PABIR3: variants seen among roughly 807,000 people sequenced by gnomAD.
PABIR3 encodes the protein PABIR family member 1.
PABIR3 carries 20 observed loss-of-function variants against 23.1 expected under a neutral mutation model. The observed-to-expected ratio is 0.86, with a 90% confidence interval of 0.61 to 1.26. PABIR3 has a LOEUF of 1.26. Ranked by LOEUF, PABIR3 falls within the 50% of genes most tolerant of loss-of-function variation. The probability of loss-of-function intolerance (pLI) is 0.00; values close to 1 mark genes in which losing one functional copy is unlikely to be tolerated. For synonymous variants in PABIR3, 69 were observed against 68.5 expected, an observed-to-expected ratio of 1.01 and a Z score of -0.04; for missense variants, 189 against 195.4, an observed-to-expected ratio of 0.97 and a Z score of 0.20.
chrX:134,839,009 A>T (rs1410727293), intron 4 of PABIR3: 1 of 114,261 alleles, frequency 8.8e-6, no homozygotes, highest in African/African-American at 3.3e-5. Context: ...AATGGTGCCC[A>T]GGCTGGAGTG....
chrX:134,798,040 C>T (rs1412741023), intron 1 of PABIR3, among the ~76,000 whole-genome samples: 1 of 111,239 alleles, frequency 9.0e-6, no homozygotes, highest in East Asian at 2.8e-4. Context: ...AGGCTGGTCT[C>T]GAACTCCTGA....
intron 2 of PABIR3, 103 bp downstream of exon 2, chrX:134,807,811 C>T: frequency 1.2e-6 from 1 of 866,275 alleles, no homozygotes; most frequent in Non-Finnish European, 1.6e-6. Flanking sequence ...TGAGGTTCTG[C>T]AGGTAACTCC....
chrX:134,830,182 G>A (rs1455086509), intron 4 of PABIR3, among the ~76,000 whole-genome samples: 2 of 110,547 alleles, frequency 1.8e-5, no homozygotes, highest in African/African-American at 6.6e-5. Flanking sequence ...AGTGCACAAA[G>A]CCCATAATAC....
intron 4 of PABIR3, among the ~76,000 whole-genome samples, chrX:134,833,917 T>C (rs1226865087): frequency 8.9e-6 from 1 of 112,403 alleles, no homozygotes; most frequent in Non-Finnish European, 1.9e-5. Flanking sequence ...CTGTCTATCA[T>C]TGATGGGCAT....
chrX:134,797,150 GA>G (rs1320786820), intron 1 of PABIR3: 1 of 114,033 alleles, frequency 8.8e-6, no homozygotes, highest in Non-Finnish European at 1.9e-5. Context: ...CCACGCTTCA[GA>G]AGCGGGAACC....
intron 2 of PABIR3, among the ~76,000 whole-genome samples, chrX:134,813,065 T>G (rs2080763775): frequency 8.9e-6 from 1 of 112,160 alleles, no homozygotes; most frequent in South Asian, 3.7e-4. Flanking sequence ...AGGGTCATTT[T>G]ACAAATGAAA....
chrX:134,828,045 C>CTATA (rs1487383716), intron 3 of PABIR3, among the ~76,000 whole-genome samples: 1,035 of 59,075 alleles, frequency 0.018, 9 homozygotes, highest in Admixed American at 0.036. Context: ...CTCTCTCTCT[C>CTATA]TCTATATATA....
chrX:134,853,648 C>T (rs2082711256), intron 10 of PABIR3, among the ~76,000 whole-genome samples: 1 of 106,177 alleles, frequency 9.4e-6, no homozygotes, highest in South Asian at 4.2e-4. Context: ...TAGACGGAGT[C>T]TCGCTCTGTC....
chrX:134,828,095 G>T (rs1436966153), intron 3 of PABIR3, among the ~76,000 whole-genome samples: 2 of 96,109 alleles, frequency 2.1e-5, no homozygotes, highest in African/African-American at 7.7e-5. Context: ...GTGGGTGTTT[G>T]CCATCTTGCT....
chrX:134,804,082 T>C (rs1402101124), upstream of PABIR3: 15 of 467,935 alleles, frequency 3.2e-5, no homozygotes, highest in Non-Finnish European at 5.4e-5. Flanking sequence ...ATCACATGTT[T>C]GTTGGTTCCC....
upstream of PABIR3, among the ~76,000 whole-genome samples, chrX:134,805,504 A>T (rs2080192035): frequency 2.7e-5 from 3 of 112,135 alleles, no homozygotes; most frequent in Admixed American, 1.9e-4. Context: ...TACATGTCAT[A>T]ACTTGTCACG....
In PABIR3 at chrX:134,845,528, T is replaced by C. The variant is rs763270534; in HGVS notation, c.345+127T>C. 3 of 576,356 alleles carry C rather than the reference T, an allele frequency of 5.2e-6. No homozygotes were observed. In the Admixed American group the frequency reaches 1.1e-4, roughly 21 times the overall value. 47.5% of individuals were successfully genotyped at this position (576,356 alleles called of 1,213,427 possible). A position where few individuals can be genotyped will look rare whatever the true frequency, so the allele number is the denominator to read the frequency against. On this transcript the variant is annotated intron_variant, in intron 6 of 10. Transcript: ENST00000645433. ...TATTTTGAAACAAAAATTGTATCTG[T>C]TGCATAAATAATTTTTGAGTGCTCT...
intron 4 of PABIR3, among the ~76,000 whole-genome samples, chrX:134,837,162 G>A (rs532212853): frequency 7.2e-5 from 8 of 110,681 alleles, no homozygotes; most frequent in South Asian, 3.8e-4. Flanking sequence ...CCTGACCAAC[G>A]TGAAGAAACC....
At chrX:134,818,913 C>T (rs1603195295) in intron 3 of PABIR3, among the ~76,000 whole-genome samples, 1 of 100,047 alleles carries the variant, frequency 1.0e-5, no homozygotes, top group African/African-American at 3.6e-5. Context: ...GTACCAAATA[C>T]TTAAAGGATA....
intron 2 of PABIR3, 76 bp downstream of exon 2, chrX:134,807,784 C>A: frequency 1.0e-6 from 1 of 998,973 alleles, no homozygotes; most frequent in Non-Finnish European, 1.4e-6. Context: ...CTATAGAATT[C>A]CCGTCCCTTT....
In PABIR3 at chrX:134,847,387, A is replaced by G; in HGVS notation, c.350A>G (p.Asp117Gly). The G allele has an allele frequency of 8.3e-7, 1 of 1,199,347 alleles. No individual in the cohort carries two copies. The highest frequency in any genetic ancestry group is 1.1e-6 in the Non-Finnish European group (1 of 885,508). The change falls in exon 7 of 11, where the codon GAC becomes GGC. Residue 117 changes from aspartate to glycine, a missense_variant. Asp to Gly is a moderately conservative substitution (Grantham distance 94). Transcript: ENST00000645433. ...CACTGCTTTCTGCTTACACAGAATG[A>G]CAATGGCTTACAGAAATCATCCTCT... ...HSWEEGLKLN[D>G]NGLQKSSSLK...
chrX:134,849,120 T>C, intron 8 of PABIR3, 47 bp from the exon 9 acceptor site: 1 of 706,852 alleles, frequency 1.4e-6, no homozygotes, highest in Non-Finnish European at 1.9e-6. Context: ...CATTGTTGAT[T>C]TTGTTAAAAA....
chrX:134,841,764 G>A (rs2082241740), intron 4 of PABIR3, among the ~76,000 whole-genome samples: 1 of 110,705 alleles, frequency 9.0e-6, no homozygotes, highest in South Asian at 3.8e-4. Flanking sequence ...GGGAGGCAGA[G>A]GTTGTACTGA....
chrX:134,796,445 G>A (rs907641184), upstream of PABIR3: 11 of 367,030 alleles, frequency 3.0e-5, no homozygotes, highest in African/African-American at 2.4e-4. Context: ...GGAGGACGAA[G>A]AGGTAGTGGT....
Sources: gnomAD v4.1 joint callset for allele counts (sites outside exome capture counted in the v4.1 genomes callset) on GRCh38, gnomAD v4.1.1 for gene constraint, MANE v1.5 for transcripts, NCBI Gene and HGNC (gene_info 2026-07-23, HGNC 2026-07-21) for gene names.